CFH: variants seen among roughly 807,000 people sequenced by gnomAD.
CFH encodes the protein H factor 1 (complement).
Under a neutral mutation model 147.3 loss-of-function variants are expected in CFH, and 53 were observed. The ratio of observed to expected loss-of-function variants is 0.36; its 90% CI spans 0.29 to 0.45. CFH has a LOEUF of 0.45. Among genes scored for constraint, CFH ranks in the 20% least tolerant of loss-of-function variants. The pLI, the probability that CFH is intolerant of heterozygous loss-of-function variation, is 1.00. For synonymous variants in CFH, 536 were observed against 489.4 expected, an observed-to-expected ratio of 1.10 and a Z score of -1.26; for missense variants, 1,380 against 1,498.0, an observed-to-expected ratio of 0.92 and a Z score of 1.30.
chr1:196,736,782 A>AT, intron 15 of CFH, 42 bp from the exon 16 acceptor site: 1 of 994,998 alleles, frequency 1.0e-6, no homozygotes, highest in East Asian at 3.9e-5. Context: ...TTTATTTTTT[A>AT]TTTTTTATTA....
chr1:196,666,743 G>A (rs1285807271), intron 1 of CFH, among the ~76,000 whole-genome samples: 3 of 151,042 alleles, frequency 2.0e-5, no homozygotes, highest in Non-Finnish European at 4.4e-5. Context: ...ACCCAGGAGT[G>A]GAGGTTGTGG....
intron 15 of CFH, among the ~76,000 whole-genome samples, chr1:196,728,781 T>C (rs1669211311): frequency 6.6e-6 from 1 of 151,392 alleles, no homozygotes. Context: ...CTACATGTCA[T>C]CATTACTGTT....
intron 15 of CFH, among the ~76,000 whole-genome samples, chr1:196,729,721 G>T (rs1362780969): frequency 6.6e-6 from 1 of 151,858 alleles, no homozygotes; most frequent in Non-Finnish European, 1.5e-5. Flanking sequence ...TCAGGTCTTG[G>T]ATTTTCTTTG....
At chr1:196,746,125 TTC>T in intron 21 of CFH, 126 bp downstream of exon 21, 1 of 1,549,002 alleles carries the variant, frequency 6.5e-7, no homozygotes, top group Non-Finnish European at 8.9e-7. Context: ...TACCAAATAT[TTC>T]TGTCAGAAAG....
chr1:196,693,224 G>A (rs1668127223), intron 9 of CFH, among the ~76,000 whole-genome samples: 1 of 152,042 alleles, frequency 6.6e-6, no homozygotes, highest in African/African-American at 2.4e-5. Flanking sequence ...GAGTACAGTA[G>A]ATATATATTG....
At position 196,726,719 on chromosome 1, in the gene CFH, A is replaced by C. The variant is rs56003799; in HGVS notation, c.2057-42A>C. ...TGTATTTTGTATCTAAAACACATAC[A>C]TCATGTTTTCACAATAAACTTTTTT... On this transcript the variant is annotated intron_variant, in intron 13 of 21. Transcript: ENST00000367429. 46 of 1,605,984 alleles carry C rather than the reference A, an allele frequency of 2.9e-5. No homozygotes were observed. In the East Asian group the frequency reaches 1.0e-3, roughly 36 times the overall value.
At chr1:196,674,582 T>C (rs757039779) in intron 3 of CFH, among the ~76,000 whole-genome samples, 13 of 143,130 alleles carry the variant, frequency 9.1e-5, no homozygotes, top group Non-Finnish European at 1.3e-4. Flanking sequence ...TGAAAAATTA[T>C]TTTGGAGAAA....
intron 9 of CFH, among the ~76,000 whole-genome samples, chr1:196,692,142 T>C (rs1043226589): frequency 3.3e-5 from 5 of 152,156 alleles, no homozygotes; most frequent in African/African-American, 7.2e-5. Flanking sequence ...TTATTTATTT[T>C]ATTTTGAGAT....
intron 1 of CFH, among the ~76,000 whole-genome samples, chr1:196,669,363 GA>G (rs1667200193): frequency 6.6e-6 from 1 of 152,148 alleles, no homozygotes; most frequent in Non-Finnish European, 1.5e-5. Context: ...CATGACAAGG[GA>G]AAAATGTCTC....
intron 9 of CFH, among the ~76,000 whole-genome samples, chr1:196,692,811 T>TC (rs1668105878): frequency 1.3e-5 from 1 of 78,180 alleles, no homozygotes; most frequent in African/African-American, 4.8e-5. Flanking sequence ...TCTTTCTTTC[T>TC]TTCTTTCTTT....
At chr1:196,735,233 A>G (rs1270423761) in intron 15 of CFH, among the ~76,000 whole-genome samples, 1 of 152,112 alleles carries the variant, frequency 6.6e-6, no homozygotes, top group East Asian at 1.9e-4. Context: ...TAATTTCAAA[A>G]TATTTGTTTT....
intron 11 of CFH, among the ~76,000 whole-genome samples, chr1:196,722,555 C>T (rs764307620): frequency 4.6e-5 from 7 of 151,998 alleles, no homozygotes; most frequent in Non-Finnish European, 1.0e-4. Context: ...AGCCTGATGA[C>T]TATATGTTTG....
chr1:196,745,903 T>A lies in CFH; in HGVS notation c.3397T>A (p.Ser1133Thr). Residue 1133 changes from serine (S) to threonine (T), a missense_variant, in exon 21 of 22, where the codon TCA becomes ACA. Coordinates refer to ENST00000367429, the MANE Select transcript of CFH (RefSeq NM_000186.4). ...FPLSVYAPAS[S>T]VEYQCQNLYQ... Reference sequence around the variant, plus strand: ...GTTGTCAGTATATGCTCCAGCTTCATCAGTTGAGTACCAATGCCAGAACTT... The same window carrying A: ...GTTGTCAGTATATGCTCCAGCTTCAACAGTTGAGTACCAATGCCAGAACTT... 6.2e-7 allele frequency: 1 copy of A among 1,614,138 alleles called. No homozygotes were observed. Among genetic ancestry groups the A allele is most frequent in the Non-Finnish European group, 8.5e-7 (1 of 1,180,016 alleles).
At chr1:196,669,818 G>A (rs1474133998) in intron 1 of CFH, among the ~76,000 whole-genome samples, 1 of 152,202 alleles carries the variant, frequency 6.6e-6, no homozygotes, top group Non-Finnish European at 1.5e-5. Context: ...GAGGGCCACA[G>A]ATCCTCCAGA....
In CFH at chr1:196,682,166, G is replaced by T. The variant is rs34543613; in HGVS notation, c.790+2373G>T. Among the ~76,000 whole-genome samples, 208 of 151,770 alleles carry T rather than the reference G, an allele frequency of 1.4e-3. 1 individual carries two copies. Among genetic ancestry groups the T allele is most frequent in the African/African-American group, 4.8e-3 (200 of 41,506 alleles). ...AAAGTTATTTATAGAAACAATCAAA[G>T]GTACGAAGAACTGCTAAAGGAAAGC... On this transcript the variant is annotated intron_variant, in intron 6 of 21. Coordinates refer to ENST00000367429, the MANE Select transcript of CFH (RefSeq NM_000186.4).
intron 1 of CFH, among the ~76,000 whole-genome samples, chr1:196,666,827 G>T (rs1417814550): frequency 1.3e-5 from 2 of 149,112 alleles, no homozygotes; most frequent in South Asian, 2.1e-4. Context: ...AAAAAAAAAG[G>T]GTTGCTTAAC....
chr1:196,726,672 T>C lies in CFH; in HGVS notation c.2056+20T>C, dbSNP rs370986379. On this transcript the variant is annotated intron_variant, in intron 13 of 21. Transcript: ENST00000367429. ...GTATTGGTAATGTATAAAATATTAA[T>C]ATTTAAACTTGTCAAAACTTTTGTA... is the stretch of plus-strand genomic sequence containing the variant. 2.5e-6 allele frequency: 4 copies of C among 1,605,614 alleles called. No homozygotes were observed. Among genetic ancestry groups the C allele is most frequent in the Non-Finnish European group, 3.4e-6 (4 of 1,172,952 alleles).
Position 196,726,657 on chromosome 1 carries a change from T to C in CFH, c.2056+5T>C, listed in dbSNP as rs1233348265. On this transcript the variant is annotated splice_donor_5th_base_variant and intron_variant, in intron 13 of 21. Coordinates refer to ENST00000367429, the MANE Select transcript of CFH (RefSeq NM_000186.4). ...CAACTTTACCAGTGTGTATTGGTAATGTATAAAATATTAATATTTAAACTT... is the reference window on the plus strand; with the variant it reads ...CAACTTTACCAGTGTGTATTGGTAACGTATAAAATATTAATATTTAAACTT... The C allele has an allele frequency of 2.5e-6, 4 of 1,603,752 alleles. No homozygotes were observed. The highest frequency in any genetic ancestry group is 3.4e-6 in the Non-Finnish European group (4 of 1,170,824).
Position 196,673,029 on chromosome 1 carries a change from G to C in CFH, c.110G>C (p.Trp37Ser). The change falls in exon 2 of 22, where the codon TGG becomes TCG. Residue 37 changes from tryptophan (W) to serine (S), a missense_variant. This residue lies in a region of CFH where 260 missense variants were observed against 263.3 expected (regional missense o/e 0.99). Transcript: ENST00000367429. ...RRNTEILTGS[W>S]SDQTYPEGTQ... Reference sequence around the variant, plus strand: ...AATACAGAAATTCTGACAGGTTCCTGGTCTGACCAAACATATCCAGAAGGC... The same window carrying C: ...AATACAGAAATTCTGACAGGTTCCTCGTCTGACCAAACATATCCAGAAGGC... 1 of 1,614,046 alleles carries C rather than the reference G, an allele frequency of 6.2e-7. No individual in the cohort carries two copies. The highest frequency in any genetic ancestry group is 8.5e-7 in the Non-Finnish European group (1 of 1,179,980).
Sources: allele counts gnomAD v4.1 joint callset (sites outside exome capture counted in the v4.1 genomes callset), GRCh38; gene constraint gnomAD v4.1.1; regional missense constraint gnomAD v4.1.1; transcripts MANE v1.5; gene names NCBI Gene and HGNC (gene_info 2026-07-23, HGNC 2026-07-21).